ENPP6: variants seen among roughly 807,000 people sequenced by gnomAD.
ENPP6 encodes ectonucleotide pyrophosphatase/phosphodiesterase 6.
In ENPP6, 32 loss-of-function variants were observed where a neutral mutation model predicts 42.0. The observed-to-expected ratio is 0.76, with a 90% CI of 0.58 to 1.02. The LOEUF is 1.02. Among genes scored for constraint, ENPP6 ranks in the 50% least tolerant of loss-of-function variants. ENPP6 has a pLI of 0.00. For missense variants in ENPP6, 552 were observed against 566.8 expected, an observed-to-expected ratio of 0.97 and a Z score of 0.27; for synonymous variants, 213 against 216.0, an observed-to-expected ratio of 0.99 and a Z score of 0.12.
intron 2 of ENPP6, among the ~76,000 whole-genome samples, chr4:184,152,918 TG>T (rs1737080437): frequency 7.9e-6 from 1 of 126,100 alleles, no homozygotes; most frequent in African/African-American, 3.2e-5. Context: ...CGTATGGAAA[TG>T]GTACACTGTT....
At chr4:184,114,413 T>C (rs550811639) in intron 5 of ENPP6, among the ~76,000 whole-genome samples, 1 of 152,370 alleles carries the variant, frequency 6.6e-6, no homozygotes, top group Admixed American at 6.5e-5. Flanking sequence ...AACTCAACTC[T>C]GTAAAATAAT....
At position 184,147,655 on chromosome 4, in the gene ENPP6, G is replaced by A. The variant is rs546213436; in HGVS notation, c.421+5899C>T. Among the ~76,000 whole-genome samples the A allele has an allele frequency of 1.1e-3, 171 of 151,986 alleles. 1 individual carries two copies. The highest frequency in any genetic ancestry group is 3.7e-4 in the Non-Finnish European group (25 of 67,966). ...ATCTCTACAAAACGTAAAAAACTTAGCAGGGTGGGGAGGTGTGCCCCTATC... is the reference window on the plus strand; with the variant it reads ...ATCTCTACAAAACGTAAAAAACTTAACAGGGTGGGGAGGTGTGCCCCTATC... On this transcript the variant is annotated intron_variant, in intron 2 of 7. Coordinates refer to ENST00000296741, the MANE Select transcript of ENPP6 (RefSeq NM_153343.4).
At chr4:184,158,135 C>G (rs17679563) in intron 1 of ENPP6, among the ~76,000 whole-genome samples, 12,283 of 152,228 alleles carry the variant, frequency 0.081, 1,245 homozygotes, top group East Asian at 0.49. Flanking sequence ...CTGTCTTTGG[C>G]TCACAGTCTG....
intron 1 of ENPP6, among the ~76,000 whole-genome samples, chr4:184,171,401 C>T (rs1278844525): frequency 1.3e-5 from 2 of 152,246 alleles, no homozygotes; most frequent in African/African-American, 4.8e-5. Context: ...CATAGCATCA[C>T]TTCTCCTGCA....
intron 1 of ENPP6, among the ~76,000 whole-genome samples, chr4:184,216,360 T>C (rs1187948999): frequency 2.0e-5 from 3 of 152,232 alleles, no homozygotes; most frequent in African/African-American, 7.2e-5. Flanking sequence ...CAGTCTGATT[T>C]TTTTCTCTCT....
At chr4:184,140,460 G>A (rs1335471776) in intron 2 of ENPP6, among the ~76,000 whole-genome samples, 11 of 151,084 alleles carry the variant, frequency 7.3e-5, no homozygotes, top group African/African-American at 2.7e-4. Flanking sequence ...GAACAAAGCT[G>A]GAGGCATCAC....
At chr4:184,116,835 C>T (rs759313981) in intron 5 of ENPP6, 21 bp downstream of exon 5, 7 of 1,611,562 alleles carry the variant, frequency 4.3e-6, no homozygotes, top group Non-Finnish European at 5.9e-6. Flanking sequence ...CCCTCCTCCG[C>T]CCCCCACGGG....
intron 1 of ENPP6, among the ~76,000 whole-genome samples, chr4:184,211,462 C>G (rs1733108857): frequency 1.3e-5 from 2 of 151,992 alleles, no homozygotes; most frequent in Admixed American, 1.3e-4. Context: ...ACAAACACCT[C>G]TACGCAAATA....
chr4:184,110,735 G>C (rs1346435127), intron 6 of ENPP6, among the ~76,000 whole-genome samples: 3 of 152,198 alleles, frequency 2.0e-5, no homozygotes, highest in African/African-American at 7.2e-5. Context: ...ATATAATTGA[G>C]TTGCTGGATT....
chr4:184,098,795 CTCATTCT>C (rs1157902599), intron 6 of ENPP6, among the ~76,000 whole-genome samples: 12 of 152,234 alleles, frequency 7.9e-5, no homozygotes, highest in African/African-American at 2.7e-4. Context: ...TCAGAAGCCA[CTCATTCT>C]TCTAAGACCT....
chr4:184,214,043 G>GAAC, intron 1 of ENPP6, among the ~76,000 whole-genome samples: 1 of 130,826 alleles, frequency 7.6e-6, no homozygotes, highest in South Asian at 2.8e-4. Context: ...TGAACAATGA[G>GAAC]AACACATGGA....
intron 1 of ENPP6, among the ~76,000 whole-genome samples, chr4:184,169,935 T>G (rs1737433937): frequency 6.6e-6 from 1 of 152,248 alleles, no homozygotes; most frequent in Non-Finnish European, 1.5e-5. Flanking sequence ...TGGAATATTT[T>G]TAAAGCAAAT....
chr4:184,208,973 C>T (rs1322116664), intron 1 of ENPP6, among the ~76,000 whole-genome samples: 2 of 143,256 alleles, frequency 1.4e-5, no homozygotes, highest in South Asian at 2.2e-4. Context: ...CCAGCAGGAG[C>T]ACACTGACAC....
chr4:184,190,903 T>C (rs958347330), intron 1 of ENPP6, among the ~76,000 whole-genome samples: 5 of 152,226 alleles, frequency 3.3e-5, no homozygotes, highest in Non-Finnish European at 7.3e-5. Flanking sequence ...GAATCCTCTC[T>C]TTTATGCTCA....
chr4:184,109,508 C>T (rs749600439), intron 6 of ENPP6, among the ~76,000 whole-genome samples: 19 of 152,088 alleles, frequency 1.2e-4, no homozygotes, highest in Admixed American at 7.9e-4. Flanking sequence ...AGATGAATTT[C>T]GCAGCCCTTA....
intron 1 of ENPP6, among the ~76,000 whole-genome samples, chr4:184,202,229 T>C (rs1732914564): frequency 1.3e-5 from 2 of 152,236 alleles, no homozygotes; most frequent in African/African-American, 4.8e-5. Flanking sequence ...CCTTCAAACT[T>C]TCCCATCTGT....
chr4:184,112,468 C>T (rs1482119083), intron 6 of ENPP6: 2 of 596,894 alleles, frequency 3.4e-6, no homozygotes, highest in South Asian at 2.6e-5. Context: ...AAGTCTAAAC[C>T]ATGACTCTGG....
chr4:184,113,941 T>TTCTTTCTTTCTTTCTA (rs1560981945), intron 5 of ENPP6, among the ~76,000 whole-genome samples: 64 of 148,980 alleles, frequency 4.3e-4, no homozygotes, highest in Admixed American at 1.1e-3. Context: ...CTTTCTTTCT[T>TTCTTTCTTTCTTTCTA]TCTTTCTTTC....
rs147538340 is a variant in ENPP6, at chr4:184,156,337, G to A, written c.242-2604C>T. Among the ~76,000 whole-genome samples, 441 of 152,298 alleles carry A rather than the reference G, an allele frequency of 2.9e-3. 2 individuals carry two copies. Among genetic ancestry groups the A allele is most frequent in the African/African-American group, 9.7e-3 (404 of 41,572 alleles). On this transcript the variant is annotated intron_variant, in intron 1 of 7. Transcript: ENST00000296741. ...ACAGTCGAAGTCGACTCAGACTCAA[G>A]CTGATTTCCCTACCAACCCTCTGCC...
Sources: allele counts gnomAD v4.1 joint callset (sites outside exome capture counted in the v4.1 genomes callset), GRCh38; gene constraint gnomAD v4.1.1; transcripts MANE v1.5; gene names NCBI Gene and HGNC (gene_info 2026-07-23, HGNC 2026-07-21).